The following YAF2 variants were observed in gnomAD, a reference collection of about 807,000 sequenced individuals.
The protein encoded by YAF2 is YY1-associated factor 2.
In YAF2, 7 loss-of-function variants were observed where a neutral mutation model predicts 20.1. The ratio of observed to expected loss-of-function variants is 0.35; its 90% CI spans 0.20 to 0.65. The LOEUF (loss-of-function observed/expected upper bound fraction) is 0.65. Among genes scored for constraint, YAF2 ranks in the 30% least tolerant of loss-of-function variants. YAF2 has a pLI of 0.69. For synonymous variants in YAF2, 74 were observed against 76.0 expected (o/e 0.97, Z 0.14); for missense variants, 151 against 219.2 (o/e 0.69, Z 1.96).
intron 2 of YAF2, among the ~76,000 whole-genome samples, chr12:42,212,034 CA>C (rs60172480): frequency 0.052 from 7,131 of 135,960 alleles, 253 homozygotes; most frequent in African/African-American, 0.094. Flanking sequence ...GATTTCATCT[CA>C]AAAAAAAAAA....
chr12:42,210,797 A>G (rs1178529766), intron 2 of YAF2: 15 of 884,924 alleles, frequency 1.7e-5, no homozygotes, highest in Non-Finnish European at 2.2e-5. Context: ...GTAAATATGG[A>G]AACAATTTGC....
At chr12:42,236,013 T>TA in intron 2 of YAF2, 1 of 1,535,654 alleles carries the variant, frequency 6.5e-7, no homozygotes, top group East Asian at 2.4e-5. Flanking sequence ...AATAAACATA[T>TA]AGGCTCTTCT....
intron 2 of YAF2, among the ~76,000 whole-genome samples, chr12:42,193,620 C>T (rs1039906751): frequency 3.3e-5 from 5 of 152,152 alleles, no homozygotes; most frequent in Non-Finnish European, 7.3e-5. Context: ...GATCCTCCCA[C>T]CTCAGCCTCC....
chr12:42,230,129 C>A (rs912735637), intron 2 of YAF2, among the ~76,000 whole-genome samples: 1 of 152,100 alleles, frequency 6.6e-6, no homozygotes, highest in Admixed American at 6.6e-5. Context: ...TGGTGGCACA[C>A]GTCTGTAATC....
At chr12:42,206,575 C>T (rs1334322710) in intron 2 of YAF2, among the ~76,000 whole-genome samples, 1 of 151,132 alleles carries the variant, frequency 6.6e-6, no homozygotes, top group Non-Finnish European at 1.5e-5. Context: ...CGCCACTGCA[C>T]TCCAGCCTGG....
chr12:42,183,977 C>A (rs1193127333), intron 2 of YAF2, among the ~76,000 whole-genome samples: 2 of 152,186 alleles, frequency 1.3e-5, no homozygotes, highest in African/African-American at 4.8e-5. Context: ...TGAAATTATG[C>A]TAAATATACT....
At chr12:42,184,220 C>T (rs1021773874) in intron 2 of YAF2, among the ~76,000 whole-genome samples, 2 of 152,186 alleles carry the variant, frequency 1.3e-5, no homozygotes, top group Non-Finnish European at 2.9e-5. Flanking sequence ...GGGACATGTA[C>T]AAGGAGATTA....
At chr12:42,234,583 G>A (rs937164600) in intron 2 of YAF2, 17 of 985,362 alleles carry the variant, frequency 1.7e-5, no homozygotes, top group Middle Eastern at 5.2e-4. Flanking sequence ...ATGTAACTTC[G>A]TTCTCTAGAA....
At chr12:42,207,950 T>G (rs970456628) in intron 2 of YAF2, among the ~76,000 whole-genome samples, 2 of 152,080 alleles carry the variant, frequency 1.3e-5, no homozygotes, top group African/African-American at 2.4e-5. Flanking sequence ...AGCTAATATT[T>G]CAGTGGGGAT....
chr12:42,170,629 G>T (rs1414992253), intron 2 of YAF2, among the ~76,000 whole-genome samples: 1 of 152,078 alleles, frequency 6.6e-6, no homozygotes, highest in African/African-American at 2.4e-5. Flanking sequence ...GGGCAATATG[G>T]TGAAACCCTG....
intron 2 of YAF2, among the ~76,000 whole-genome samples, chr12:42,184,914 G>A (rs1224388244): frequency 2.6e-5 from 4 of 152,228 alleles, no homozygotes; most frequent in Non-Finnish European, 5.9e-5. Context: ...GGTGGCTTAC[G>A]CCTATAATCC....
At chr12:42,210,274 T>C in intron 2 of YAF2, 1 of 806,876 alleles carries the variant, frequency 1.2e-6, no homozygotes, top group East Asian at 3.2e-5. Flanking sequence ...TTCCTTTCTT[T>C]TCAATTAAAC....
intron 2 of YAF2, among the ~76,000 whole-genome samples, chr12:42,202,928 T>C (rs898370284): frequency 1.3e-5 from 2 of 152,174 alleles, no homozygotes; most frequent in African/African-American, 4.8e-5. Context: ...TGAGCCACCA[T>C]GCCCGGGGCT....
At chr12:42,181,244 CTT>C (rs1157009355) in intron 2 of YAF2, among the ~76,000 whole-genome samples, 1 of 152,218 alleles carries the variant, frequency 6.6e-6, no homozygotes, top group African/African-American at 2.4e-5. Flanking sequence ...TGTTTCACTT[CTT>C]TGTGATGTTC....
chr12:42,182,787 A>G (rs1459482722), intron 2 of YAF2, among the ~76,000 whole-genome samples: 2 of 152,258 alleles, frequency 1.3e-5, no homozygotes, highest in African/African-American at 4.8e-5. Flanking sequence ...TTCAAGAAAC[A>G]GAAAGCATCC....
At chr12:42,174,055 T>C (rs1455193442) in intron 2 of YAF2, among the ~76,000 whole-genome samples, 1 of 151,762 alleles carries the variant, frequency 6.6e-6, no homozygotes, top group Non-Finnish European at 1.5e-5. Context: ...TACTGGGTTA[T>C]TCCTGTCAGC....
chr12:42,235,920 A>G, intron 2 of YAF2: 9 of 1,535,918 alleles, frequency 5.9e-6, no homozygotes, highest in Non-Finnish European at 7.8e-6. Context: ...GCCACCACCT[A>G]CTCTATTTCT....
In YAF2 at chr12:42,190,143, T is replaced by G. The variant is rs530756033; in HGVS notation, c.153-28378A>C. ...GGATTACTTGAAGCCAGGAGTTTGA[T>G]TCCAGCCTGGGCAACACAGCAAGAC... On this transcript the variant is annotated intron_variant, in intron 2 of 3. Transcript: ENST00000534854. 5.8e-4 allele frequency among the ~76,000 whole-genome samples: 89 copies of G among 152,300 alleles called. 1 individual carries two copies. Among genetic ancestry groups the G allele is most frequent in the African/African-American group, 2.0e-3 (84 of 41,570 alleles).
intron 2 of YAF2, among the ~76,000 whole-genome samples, chr12:42,179,494 T>C (rs1385653805): frequency 2.0e-5 from 3 of 151,814 alleles, no homozygotes; most frequent in Non-Finnish European, 2.9e-5. Context: ...GCAATGAGAG[T>C]TGGGAACCAG....
Sources: allele counts gnomAD v4.1 joint callset (sites outside exome capture counted in the v4.1 genomes callset), GRCh38; gene constraint gnomAD v4.1.1; transcripts MANE v1.5; gene names NCBI Gene and HGNC (gene_info 2026-07-23, HGNC 2026-07-21).